BNC2: variants seen among roughly 807,000 people sequenced by gnomAD.
BNC2 encodes the protein basonuclin zinc finger protein 2.
BNC2 carries 20 observed loss-of-function variants against 76.3 expected under a neutral mutation model. The observed-to-expected ratio is 0.26, with a 90% confidence interval of 0.18 to 0.38. The LOEUF is 0.38. Among genes scored for constraint, BNC2 ranks in the 10% least tolerant of loss-of-function variants. The pLI is 1.00. For synonymous variants in BNC2, 582 were observed against 514.8 expected (o/e 1.13, Z -1.77); for missense variants, 1,382 against 1,399.8 (o/e 0.99, Z 0.20).
At chr9:16,420,492 A>G (rs952164808) in intron 6 of BNC2, among the ~76,000 whole-genome samples, 1 of 152,168 alleles carries the variant, frequency 6.6e-6, no homozygotes, top group African/African-American at 2.4e-5. Context: ...ACCTTTTTAA[A>G]AAAAATCACA....
intron 1 of BNC2, among the ~76,000 whole-genome samples, chr9:16,845,375 C>T (rs1357715781): frequency 2.6e-5 from 4 of 152,152 alleles, no homozygotes; most frequent in African/African-American, 4.8e-5. Context: ...TTTTCAAATG[C>T]TACAAGTCAT....
chr9:16,538,146 A>G (rs1318073151), intron 5 of BNC2, among the ~76,000 whole-genome samples: 1 of 152,198 alleles, frequency 6.6e-6, no homozygotes, highest in African/African-American at 2.4e-5. Flanking sequence ...GAGGAAAGAG[A>G]AGACAAAGCA....
intron 3 of BNC2, among the ~76,000 whole-genome samples, chr9:16,645,786 A>G (rs1236292415): frequency 2.6e-5 from 4 of 152,224 alleles, no homozygotes; most frequent in African/African-American, 7.2e-5. Flanking sequence ...TTAATAAAGA[A>G]TAAGTATTAT....
intron 4 of BNC2, among the ~76,000 whole-genome samples, chr9:16,560,049 C>A (rs1818962140): frequency 6.6e-6 from 1 of 152,208 alleles, no homozygotes; most frequent in Admixed American, 6.5e-5. Flanking sequence ...GGAACTAAGG[C>A]AGTGATTCTC....
chr9:16,689,163 C>CAAAACA (rs1823072445), intron 3 of BNC2, among the ~76,000 whole-genome samples: 2 of 50,504 alleles, frequency 4.0e-5, no homozygotes, highest in Non-Finnish European at 8.8e-5. Flanking sequence ...ACTGAGATCA[C>CAAAACA]AAAAAAAAAA....
chr9:16,490,349 A>G (rs963076309), intron 5 of BNC2, among the ~76,000 whole-genome samples: 5 of 152,064 alleles, frequency 3.3e-5, no homozygotes, highest in African/African-American at 1.2e-4. Flanking sequence ...ATTCACCATC[A>G]AGAGAAGAGC....
At chr9:16,789,842 T>C (rs1003702193) in intron 1 of BNC2, among the ~76,000 whole-genome samples, 2 of 152,224 alleles carry the variant, frequency 1.3e-5, no homozygotes, top group African/African-American at 2.4e-5. Context: ...TAAGCCTTTA[T>C]TGGAATAAAT....
intron 5 of BNC2, among the ~76,000 whole-genome samples, chr9:16,546,915 C>G (rs1448532676): frequency 6.6e-6 from 1 of 152,206 alleles, no homozygotes; most frequent in African/African-American, 2.4e-5. Context: ...AAAACATCCT[C>G]CTTCCAATAT....
At chr9:16,658,464 T>C (rs905012841) in intron 3 of BNC2, among the ~76,000 whole-genome samples, 4 of 152,218 alleles carry the variant, frequency 2.6e-5, no homozygotes, top group African/African-American at 9.6e-5. Context: ...GGTCAAATGC[T>C]TGGGTAAATG....
chr9:16,776,328 C>T lies in BNC2; in HGVS notation c.4-37843G>A, dbSNP rs545432838. Among the ~76,000 whole-genome samples, 3 of 152,084 alleles carry T rather than the reference C, an allele frequency of 2.0e-5. No individual in the cohort carries two copies. The East Asian group carries it at 5.8e-4, about 30-fold the overall frequency. On this transcript the variant is annotated intron_variant, in intron 1 of 6. Coordinates refer to ENST00000380672, the MANE Select transcript of BNC2 (RefSeq NM_017637.6). ...GCTATTTTTGTATTTTTAGTAGAGA[C>T]GGGGTTTCACCATGTTGCCCAGGCT...
At chr9:16,676,182 T>A (rs1408464647) in intron 3 of BNC2, among the ~76,000 whole-genome samples, 1 of 152,236 alleles carries the variant, frequency 6.6e-6, no homozygotes, top group Non-Finnish European at 1.5e-5. Context: ...TTTTTCTTTT[T>A]CTTTTGTGTA....
intron 5 of BNC2, among the ~76,000 whole-genome samples, chr9:16,468,945 TTTCACTC>T (rs1050322596): frequency 2.6e-5 from 4 of 152,294 alleles, no homozygotes; most frequent in African/African-American, 9.6e-5. Flanking sequence ...GATAGTAACT[TTTCACTC>T]TTATATTCAC....
intron 3 of BNC2, among the ~76,000 whole-genome samples, chr9:16,623,160 A>T (rs537847186): frequency 6.6e-6 from 1 of 152,294 alleles, no homozygotes; most frequent in African/African-American, 2.4e-5. Context: ...GTTGTTGGAC[A>T]TGTAAGACAC....
intron 1 of BNC2, among the ~76,000 whole-genome samples, chr9:16,764,317 G>T (rs370826218): frequency 6.6e-6 from 1 of 152,080 alleles, no homozygotes; most frequent in Non-Finnish European, 1.5e-5. Context: ...GTCTATGCAC[G>T]GCATACCAAA....
Position 16,606,384 on chromosome 9 carries a change from C to T in BNC2, c.331-23299G>A, listed in dbSNP as rs868820324. Among the ~76,000 whole-genome samples the T allele has an allele frequency of 7.2e-5, 11 of 152,260 alleles. 1 individual carries two copies. In the South Asian group the frequency reaches 8.3e-4, roughly 11 times the overall value. On this transcript the variant is annotated intron_variant, in intron 3 of 6. Transcript: ENST00000380672. ...ATTAATTTATTTATATGGTTTGGCT[C>T]TGTGTCCCCAACCAAATCTCATCTT...
intron 1 of BNC2, among the ~76,000 whole-genome samples, chr9:16,839,702 A>C (rs572838681): frequency 2.2e-4 from 34 of 152,198 alleles, no homozygotes; most frequent in Non-Finnish European, 4.3e-4. Flanking sequence ...CCAAAACTAG[A>C]AGTACACTGG....
intron 3 of BNC2, among the ~76,000 whole-genome samples, chr9:16,690,697 C>T (rs1322354939): frequency 6.6e-6 from 1 of 152,118 alleles, no homozygotes; most frequent in Non-Finnish European, 1.5e-5. Context: ...AGGACAGATG[C>T]CAGTGCCTGA....
intron 1 of BNC2, among the ~76,000 whole-genome samples, chr9:16,764,111 A>G (rs1408214820): frequency 1.3e-5 from 2 of 152,206 alleles, no homozygotes; most frequent in Admixed American, 1.3e-4. Context: ...CACAAAAGTA[A>G]TTCTGTTTAG....
chr9:16,787,812 A>G (rs550062887), intron 1 of BNC2, among the ~76,000 whole-genome samples: 2 of 152,252 alleles, frequency 1.3e-5, no homozygotes, highest in South Asian at 4.1e-4. Flanking sequence ...CAGCGTCCCA[A>G]AGTGCTAGGA....
Sources: allele counts gnomAD v4.1 joint callset (sites outside exome capture counted in the v4.1 genomes callset), GRCh38; gene constraint gnomAD v4.1.1; transcripts MANE v1.5; gene names NCBI Gene and HGNC (gene_info 2026-07-23, HGNC 2026-07-21).